The following CEP85L variants were observed in gnomAD, a reference collection of about 807,000 sequenced individuals.
CEP85L encodes centrosomal protein of 85 kDa-like.
CEP85L carries 60 observed loss-of-function variants against 100.3 expected under a neutral mutation model. That is an observed-to-expected ratio of 0.60 (90% CI 0.49 to 0.74). The LOEUF is 0.74. CEP85L is among the 30% of genes least tolerant of loss of function. The pLI is 0.00. For missense variants in CEP85L, 973 were observed against 936.2 expected (o/e 1.04, Z -0.51); for synonymous variants, 319 against 322.7 (o/e 0.99, Z 0.12).
intron 1 of CEP85L, among the ~76,000 whole-genome samples, chr6:118,704,560 C>G (rs1777530709): frequency 6.6e-6 from 1 of 152,168 alleles, no homozygotes; most frequent in South Asian, 2.1e-4. Context: ...CCTCCGCCTC[C>G]TGGGTTTTCA....
At chr6:118,510,086 C>T (rs1328647574) in intron 5 of CEP85L, among the ~76,000 whole-genome samples, 1 of 151,972 alleles carries the variant, frequency 6.6e-6, no homozygotes, top group Non-Finnish European at 1.5e-5. Context: ...ATGGTCTCTC[C>T]CTCTGTAAGT....
At chr6:118,647,228 G>C (rs765631765) in intron 1 of CEP85L, 2 of 193,266 alleles carry the variant, frequency 1.0e-5, no homozygotes, top group African/African-American at 4.7e-5. Context: ...CAATTAAGAG[G>C]TAAATGTAAA....
intron 5 of CEP85L, among the ~76,000 whole-genome samples, chr6:118,505,667 C>T (rs1188720707): frequency 6.6e-6 from 1 of 152,052 alleles, no homozygotes; most frequent in Non-Finnish European, 1.5e-5. Flanking sequence ...TATATGATTC[C>T]AATTACATAA....
At chr6:118,489,731 T>A (rs1774424295) in intron 6 of CEP85L, among the ~76,000 whole-genome samples, 3 of 152,192 alleles carry the variant, frequency 2.0e-5, no homozygotes, top group Non-Finnish European at 4.4e-5. Context: ...GGAATCTGTA[T>A]GGAGGTTCCT....
intron 3 of CEP85L, among the ~76,000 whole-genome samples, chr6:118,546,926 T>C (rs1778238619): frequency 6.6e-6 from 1 of 152,156 alleles, no homozygotes; most frequent in South Asian, 2.1e-4. Flanking sequence ...TGCTAAAATA[T>C]TATTTTTCAG....
intron 1 of CEP85L, among the ~76,000 whole-genome samples, chr6:118,666,739 C>T (rs1260989714): frequency 6.6e-6 from 1 of 151,174 alleles, no homozygotes; most frequent in Non-Finnish European, 1.5e-5. Flanking sequence ...ATAAGGGCAG[C>T]TTATTATCAC....
intron 1 of CEP85L, among the ~76,000 whole-genome samples, chr6:118,708,782 C>T (rs1461786997): frequency 6.6e-6 from 1 of 152,146 alleles, no homozygotes; most frequent in African/African-American, 2.4e-5. Flanking sequence ...CTTCCTCCCT[C>T]CCTTTTCCCT....
At chr6:118,670,331 G>T (rs1343758223) in intron 1 of CEP85L, among the ~76,000 whole-genome samples, 1 of 151,832 alleles carries the variant, frequency 6.6e-6, no homozygotes. Flanking sequence ...TGTCATCCAG[G>T]TAGTAGGCAT....
chr6:118,460,970 G>T lies in CEP85L; in HGVS notation c.*4435C>A, dbSNP rs1582830267. On this transcript the variant is annotated 3_prime_UTR_variant, in exon 13 of 13. Transcript: ENST00000368491. ...AAGAAAACCCCTTTACAAAAAAAGA[G>T]GCAAGAATGATAGATCAGAAGGCAT... 6.7e-6 allele frequency: 1 copy of T among 150,148 alleles called. No homozygotes were observed. The highest frequency in any genetic ancestry group is 3.5e-3 in the Middle Eastern group (1 of 282). 9.3% of individuals were successfully genotyped at this position (150,148 alleles called of 1,614,324 possible). A position where few individuals can be genotyped will look rare whatever the true frequency, so the allele number is the denominator to read the frequency against.
rs1435660623 is a variant in CEP85L at position 118,579,351 on chromosome 6, C to T, written c.233-13035G>A. Among the ~76,000 whole-genome samples, 8 of 123,422 alleles carry T rather than the reference C, an allele frequency of 6.5e-5. No individual in the cohort carries two copies. In the South Asian group the frequency reaches 1.2e-3, roughly 18 times the overall value. 81.0% of individuals were successfully genotyped at this position (123,422 alleles called of 152,430 possible). A position where few individuals can be genotyped will look rare whatever the true frequency, so the allele number is the denominator to read the frequency against. ...AATTTGGTCAAGGGGTGGGGACGGG[C>T]GGGAAGCTGGTCAGAAAAAAAAAAA... On this transcript the variant is annotated intron_variant, in intron 2 of 12. Transcript: ENST00000368491.
chr6:118,499,007 T>C (rs1054986659), intron 5 of CEP85L, among the ~76,000 whole-genome samples: 30 of 152,296 alleles, frequency 2.0e-4, no homozygotes, highest in African/African-American at 6.3e-4. Flanking sequence ...TTCTACATAA[T>C]ACATAGGTTA....
intron 4 of CEP85L, among the ~76,000 whole-genome samples, chr6:118,519,468 GTGTGT>G (rs1776497865): frequency 2.0e-5 from 1 of 50,246 alleles, no homozygotes; most frequent in African/African-American, 7.7e-5. Context: ...GTGTGTGTGT[GTGTGT>G]GGCGGGGGGG....
chr6:118,681,240 A>G (rs1266214774), intron 1 of CEP85L, among the ~76,000 whole-genome samples: 1 of 152,228 alleles, frequency 6.6e-6, no homozygotes, highest in Non-Finnish European at 1.5e-5. Flanking sequence ...AAACAGAGCC[A>G]CAGGTTTTGT....
intron 2 of CEP85L, among the ~76,000 whole-genome samples, chr6:118,580,691 G>A (rs899424044): frequency 1.3e-5 from 2 of 152,222 alleles, no homozygotes; most frequent in Non-Finnish European, 2.9e-5. Flanking sequence ...GCACACCCTG[G>A]TGTGACTCAA....
intron 2 of CEP85L, among the ~76,000 whole-genome samples, chr6:118,578,778 G>A (rs983808174): frequency 3.3e-5 from 5 of 152,270 alleles, no homozygotes; most frequent in South Asian, 4.1e-4. Context: ...GTGCTCTCGC[G>A]AGCGTGACTG....
At chr6:118,472,109 TATA>T (rs1773004830) in intron 10 of CEP85L, among the ~76,000 whole-genome samples, 2 of 151,892 alleles carry the variant, frequency 1.3e-5, no homozygotes, top group South Asian at 2.1e-4. Context: ...ACAGAATAAT[TATA>T]ATAATGATAC....
rs1781717597 is a variant in CEP85L, at chr6:118,600,363, G to GTC, written c.232+32089_232+32090insGA. Among the ~76,000 whole-genome samples, 2 of 134,892 alleles carry GTC rather than the reference G, an allele frequency of 1.5e-5. 1 individual carries two copies. Among genetic ancestry groups the GTC allele is most frequent in the African/African-American group, 5.4e-5 (2 of 36,858 alleles). The allele number at this position is 134,892 out of a possible 152,430, so 88.5% of individuals were successfully genotyped here. ...TGTGTGTGTGTGTGTGTGTGTGTGT[G>GTC]TGTGTGTAACGCCATGGAGCAATCT... On this transcript the variant is annotated intron_variant, in intron 2 of 12. Transcript: ENST00000368491.
intron 1 of CEP85L, among the ~76,000 whole-genome samples, chr6:118,650,017 T>A (rs892363208): frequency 6.6e-6 from 1 of 152,208 alleles, no homozygotes; most frequent in Admixed American, 6.5e-5. Context: ...TGATTTTTTT[T>A]AAATAGCAGA....
At chr6:118,607,478 C>T (rs1046669598) in intron 2 of CEP85L, among the ~76,000 whole-genome samples, 3 of 152,154 alleles carry the variant, frequency 2.0e-5, no homozygotes, top group Non-Finnish European at 2.9e-5. Flanking sequence ...CCATGTCCTA[C>T]GATCCTGTAC....
Sources: gnomAD v4.1 joint callset for allele counts (sites outside exome capture counted in the v4.1 genomes callset) on GRCh38, gnomAD v4.1.1 for gene constraint, MANE v1.5 for transcripts, NCBI Gene and HGNC (gene_info 2026-07-23, HGNC 2026-07-21) for gene names.